The following ANKS1B variants were observed in gnomAD, a reference collection of about 807,000 sequenced individuals.
The protein encoded by ANKS1B is ankyrin repeat and sterile alpha motif domain containing 1B.
Under a neutral mutation model 148.3 loss-of-function variants are expected in ANKS1B, and 36 were observed. The ratio of observed to expected loss-of-function variants is 0.24; its 90% CI spans 0.19 to 0.32. The LOEUF is 0.32. ANKS1B is among the 10% of genes least tolerant of loss of function. The pLI is 1.00. For synonymous variants in ANKS1B, 542 were observed against 560.8 expected (o/e 0.97, Z 0.47); for missense variants, 1,157 against 1,542.6 (o/e 0.75, Z 4.19).
intron 1 of ANKS1B, among the ~76,000 whole-genome samples, chr12:99,827,915 T>C (rs1160246983): frequency 1.3e-5 from 2 of 152,110 alleles, no homozygotes; most frequent in Non-Finnish European, 2.9e-5. Flanking sequence ...ACAAATACCA[T>C]ATAATCCAGT....
chr12:98,927,166 A>G (rs1439724362), intron 17 of ANKS1B, among the ~76,000 whole-genome samples: 1 of 152,140 alleles, frequency 6.6e-6, no homozygotes, highest in Admixed American at 6.6e-5. Context: ...AATAACATTA[A>G]CAGCCAGCTT....
chr12:99,688,893 A>G (rs1363001121), intron 8 of ANKS1B, among the ~76,000 whole-genome samples: 3 of 151,116 alleles, frequency 2.0e-5, no homozygotes, highest in Admixed American at 6.6e-5. Flanking sequence ...AAAAAAAAAA[A>G]GAGAGAAAAT....
intron 10 of ANKS1B, among the ~76,000 whole-genome samples, chr12:99,500,797 G>C (rs2096647851): frequency 6.6e-6 from 1 of 152,098 alleles, no homozygotes; most frequent in Non-Finnish European, 1.5e-5. Flanking sequence ...CATGCTTTTT[G>C]AAAAATTACC....
At chr12:99,892,571 T>G (rs551315239) in intron 1 of ANKS1B, among the ~76,000 whole-genome samples, 31 of 152,254 alleles carry the variant, frequency 2.0e-4, no homozygotes, top group Admixed American at 5.2e-4. Flanking sequence ...AACAAAAATC[T>G]TCAAAGGGTT....
intron 16 of ANKS1B, among the ~76,000 whole-genome samples, chr12:99,058,310 C>G (rs556806331): frequency 1.4e-5 from 2 of 147,724 alleles, no homozygotes. Flanking sequence ...GTGGTGCAAT[C>G]TTGGCTCACT....
intron 10 of ANKS1B, among the ~76,000 whole-genome samples, chr12:99,457,632 T>C (rs948232212): frequency 6.6e-6 from 1 of 152,124 alleles, no homozygotes; most frequent in African/African-American, 2.4e-5. Flanking sequence ...TAGCTGTTCT[T>C]ATATTAGACA....
intron 8 of ANKS1B, among the ~76,000 whole-genome samples, chr12:99,704,824 A>G (rs1200816171): frequency 3.9e-5 from 6 of 152,100 alleles, no homozygotes; most frequent in Admixed American, 3.9e-4. Context: ...CTTGGTAGGG[A>G]AAAATATGTC....
chr12:99,584,334 T>G (rs966641591), intron 9 of ANKS1B, among the ~76,000 whole-genome samples: 3 of 152,184 alleles, frequency 2.0e-5, no homozygotes, highest in Non-Finnish European at 2.9e-5. Flanking sequence ...GCACCATGGC[T>G]CACATCTGTA....
At chr12:98,971,894 G>A (rs2099883420) in intron 17 of ANKS1B, among the ~76,000 whole-genome samples, 1 of 151,072 alleles carries the variant, frequency 6.6e-6, no homozygotes. Context: ...GAGGCCAGGT[G>A]CGGTGGCTCA....
chr12:98,796,983 T>A (rs983048939), intron 22 of ANKS1B, among the ~76,000 whole-genome samples: 1 of 152,220 alleles, frequency 6.6e-6, no homozygotes, highest in South Asian at 2.1e-4. Flanking sequence ...GCAATACTGA[T>A]GCTGATTATC....
chr12:99,699,281 GTT>G (rs917233563), intron 8 of ANKS1B, among the ~76,000 whole-genome samples: 17 of 152,196 alleles, frequency 1.1e-4, no homozygotes, highest in Admixed American at 1.0e-3. Context: ...TTTTCCATGT[GTT>G]TTTTCTTTCT....
chr12:99,598,896 A>G lies in ANKS1B; in HGVS notation c.1272+56171T>C, dbSNP rs528116558. On this transcript the variant is annotated intron_variant, in intron 9 of 26. Transcript: ENST00000683438. Reference sequence around the variant, plus strand: ...TTTGGGATGCCAGAGTCTGAAATCAATATCGCTGGGCCAAAATCAAGGTGT... The same window carrying G: ...TTTGGGATGCCAGAGTCTGAAATCAGTATCGCTGGGCCAAAATCAAGGTGT... Among the ~76,000 whole-genome samples the G allele has an allele frequency of 1.1e-3, 173 of 152,242 alleles. 1 individual carries two copies. The highest frequency in any genetic ancestry group is 4.0e-3 in the African/African-American group (166 of 41,564).
chr12:98,934,585 C>A (rs530271080), intron 17 of ANKS1B, among the ~76,000 whole-genome samples: 3 of 152,182 alleles, frequency 2.0e-5, no homozygotes, highest in East Asian at 1.9e-4. Context: ...AATATTAGAT[C>A]TTCCAATCCA....
intron 1 of ANKS1B, among the ~76,000 whole-genome samples, chr12:99,870,772 G>T (rs1046488654): frequency 6.6e-6 from 1 of 151,996 alleles, no homozygotes; most frequent in African/African-American, 2.4e-5. Flanking sequence ...AGGGATATTT[G>T]GTTTTTGCTT....
chr12:99,611,425 GT>G (rs2153345428), intron 9 of ANKS1B, among the ~76,000 whole-genome samples: 1 of 151,990 alleles, frequency 6.6e-6, no homozygotes, highest in South Asian at 2.1e-4. Context: ...TTGTTTGTTT[GT>G]TTAAGCACAC....
chr12:99,351,519 G>C (rs76798401), intron 12 of ANKS1B, among the ~76,000 whole-genome samples: 3 of 151,876 alleles, frequency 2.0e-5, no homozygotes, highest in South Asian at 4.2e-4. Flanking sequence ...AGACAGACCT[G>C]GGTTTGAATT....
intron 2 of ANKS1B, among the ~76,000 whole-genome samples, chr12:99,818,486 T>G (rs1256081769): frequency 6.6e-6 from 1 of 151,848 alleles, no homozygotes; most frequent in Non-Finnish European, 1.5e-5. Flanking sequence ...AAAAGAAATA[T>G]TAAGTTACAT....
chr12:99,567,007 C>G (rs1164571289), intron 9 of ANKS1B, among the ~76,000 whole-genome samples: 1 of 152,188 alleles, frequency 6.6e-6, no homozygotes, highest in Non-Finnish European at 1.5e-5. Flanking sequence ...CAGTCAGTTT[C>G]TCCTGCTTTT....
At chr12:99,117,408 G>T (rs766863157) in intron 15 of ANKS1B, among the ~76,000 whole-genome samples, 3 of 150,664 alleles carry the variant, frequency 2.0e-5, no homozygotes, top group Non-Finnish European at 2.9e-5. Flanking sequence ...TAGCATGAAG[G>T]GCTGTTGAAT....
Sources: gnomAD v4.1 joint callset for allele counts (sites outside exome capture counted in the v4.1 genomes callset) on GRCh38, gnomAD v4.1.1 for gene constraint, MANE v1.5 for transcripts, NCBI Gene and HGNC (gene_info 2026-07-23, HGNC 2026-07-21) for gene names.